FARP1: variants seen among roughly 807,000 people sequenced by gnomAD.
The protein encoded by FARP1 is FERM, ARHGEF and pleckstrin domain-containing protein 1.
In FARP1, 52 loss-of-function variants were observed where a neutral mutation model predicts 128.8. The observed-to-expected ratio is 0.40, with a 90% CI of 0.32 to 0.51. The LOEUF is 0.51. FARP1 is among the 20% of genes least tolerant of loss of function. FARP1 has a pLI of 0.45. For missense variants in FARP1, 1,333 were observed against 1,367.9 expected, an observed-to-expected ratio of 0.97 and a Z score of 0.40; for synonymous variants, 580 against 551.8, an observed-to-expected ratio of 1.05 and a Z score of -0.72.
At chr13:98,350,329 T>G (rs751038802) in intron 3 of FARP1, among the ~76,000 whole-genome samples, 4 of 152,172 alleles carry the variant, frequency 2.6e-5, no homozygotes, top group Non-Finnish European at 5.9e-5. Context: ...AGATTTAATA[T>G]TTGTATTGCA....
intron 18 of FARP1, 118 bp from the exon 19 acceptor site, chr13:98,435,458 C>A: frequency 1.0e-6 from 1 of 993,462 alleles, no homozygotes; most frequent in Non-Finnish European, 1.5e-6. Context: ...TCAAAAGACA[C>A]CTTTGAATAC....
At chr13:98,427,710 G>A (rs1045093354) in intron 17 of FARP1, among the ~76,000 whole-genome samples, 2 of 150,074 alleles carry the variant, frequency 1.3e-5, no homozygotes, top group African/African-American at 4.9e-5. Flanking sequence ...CCTGATATCC[G>A]CTCCTGGCGT....
At chr13:98,432,864 C>T (rs1437486995) in intron 18 of FARP1, 1 of 153,306 alleles carries the variant, frequency 6.5e-6, no homozygotes, top group Non-Finnish European at 1.5e-5. Context: ...GCTGGAGGGT[C>T]TGCAGGCAGG....
At chr13:98,425,897 C>T (rs1336764453) in intron 17 of FARP1, among the ~76,000 whole-genome samples, 4 of 152,264 alleles carry the variant, frequency 2.6e-5, no homozygotes, top group East Asian at 3.9e-4. Context: ...ATTCACACAG[C>T]GTCTCTTTTG....
intron 2 of FARP1, among the ~76,000 whole-genome samples, chr13:98,236,481 T>A (rs1300529372): frequency 6.6e-6 from 1 of 152,144 alleles, no homozygotes; most frequent in African/African-American, 2.4e-5. Context: ...ACAACACAGG[T>A]TTGAACTTCT....
chr13:98,340,801 A>G (rs1887935934), intron 2 of FARP1: 3 of 152,206 alleles, frequency 2.0e-5, no homozygotes, highest in Admixed American at 2.0e-4. Context: ...ATTGCTCCCT[A>G]CATTAACCGA....
chr13:98,193,652 A>G (rs774547491), intron 1 of FARP1, among the ~76,000 whole-genome samples: 1 of 152,198 alleles, frequency 6.6e-6, no homozygotes, highest in Non-Finnish European at 1.5e-5. Context: ...TCAAGTAGCA[A>G]CCCACTTTGC....
chr13:98,361,836 T>C (rs4772069), intron 3 of FARP1, among the ~76,000 whole-genome samples: 66,731 of 151,714 alleles, frequency 0.44, 16,335 homozygotes, highest in Non-Finnish European at 0.58. Flanking sequence ...GTTGTTTCCA[T>C]CCTAAGCCAG....
rs1349451618 is a variant in FARP1 at position 98,373,533 on chromosome 13, G to GACAGACAGACACAC, written c.399-4285_399-4284insGACAGACACACACA. ...TTGACTTTCCAGAGACAGACAGACA[G>GACAGACAGACACAC]ACACACACACACACACACACACACA... On this transcript the variant is annotated intron_variant, in intron 5 of 26. Transcript: ENST00000319562. 1.7e-3 allele frequency among the ~76,000 whole-genome samples: 220 copies of GACAGACAGACACAC among 131,064 alleles called. 1 individual carries two copies. The highest frequency in any genetic ancestry group is 6.2e-3 in the African/African-American group (209 of 33,920). 86.0% of individuals were successfully genotyped at this position (131,064 alleles called of 152,430 possible). A position where few individuals can be genotyped will look rare whatever the true frequency, so the allele number is the denominator to read the frequency against.
chr13:98,149,338 A>G (rs1457019667), intron 1 of FARP1, among the ~76,000 whole-genome samples: 2 of 152,050 alleles, frequency 1.3e-5, no homozygotes, highest in African/African-American at 4.8e-5. Context: ...TGGATATGCT[A>G]TGACTTGCGT....
intron 19 of FARP1, 40 bp from the exon 20 acceptor site, chr13:98,438,764 G>C (rs368559015): frequency 2.2e-5 from 34 of 1,571,616 alleles, no homozygotes; most frequent in Non-Finnish European, 3.0e-5. Flanking sequence ...CTTGGGGTCC[G>C]CACGCTCGCA....
chr13:98,446,584 CCTGT>C (rs1429985228), intron 25 of FARP1, 78 bp from the exon 26 acceptor site: 1 of 1,465,060 alleles, frequency 6.8e-7, no homozygotes, highest in East Asian at 2.3e-5. Flanking sequence ...CTCCCAAGTC[CCTGT>C]CTGATGCGGG....
intron 1 of FARP1, among the ~76,000 whole-genome samples, chr13:98,167,628 G>A (rs971470516): frequency 4.0e-5 from 6 of 151,460 alleles, no homozygotes; most frequent in East Asian, 2.0e-4. Context: ...CAGGCTGGTC[G>A]CGAACTTCTG....
chr13:98,313,252 C>G (rs975134809), intron 2 of FARP1, among the ~76,000 whole-genome samples: 2 of 149,864 alleles, frequency 1.3e-5, no homozygotes, highest in African/African-American at 4.9e-5. Flanking sequence ...TACACACACA[C>G]ACACACACAC....
At chr13:98,177,666 CA>C (rs58126526) in intron 1 of FARP1, among the ~76,000 whole-genome samples, 75,841 of 145,702 alleles carry the variant, frequency 0.52, 21,005 homozygotes, top group Middle Eastern at 0.68. Flanking sequence ...AAAAAAAAAC[CA>C]AAAAAAAAGG....
At chr13:98,434,096 A>C (rs1423614194) in intron 18 of FARP1, 1 of 152,190 alleles carries the variant, frequency 6.6e-6, no homozygotes, top group African/African-American at 2.4e-5. Context: ...TGATTGAGGA[A>C]GAGAGTGCTA....
chr13:98,394,872 CTGTGGTT>C (rs1204370975), intron 12 of FARP1, among the ~76,000 whole-genome samples: 4 of 152,186 alleles, frequency 2.6e-5, no homozygotes, highest in Non-Finnish European at 4.4e-5. Flanking sequence ...CCGCTGTGAG[CTGTGGTT>C]GCAGCACTGC....
At chr13:98,266,805 AG>A (rs1884138193) in intron 2 of FARP1, among the ~76,000 whole-genome samples, 1 of 152,118 alleles carries the variant, frequency 6.6e-6, no homozygotes, top group Non-Finnish European at 1.5e-5. Context: ...TGAGGTCAGG[AG>A]TTCGAGACCA....
chr13:98,373,914 A>G (rs552707304), intron 5 of FARP1, among the ~76,000 whole-genome samples: 10 of 152,356 alleles, frequency 6.6e-5, no homozygotes, highest in Non-Finnish European at 7.3e-5. Flanking sequence ...TTTCATTATT[A>G]TAATAGTAGT....
Sources: gnomAD v4.1 joint callset for allele counts (sites outside exome capture counted in the v4.1 genomes callset) on GRCh38, gnomAD v4.1.1 for gene constraint, MANE v1.5 for transcripts, NCBI Gene and HGNC (gene_info 2026-07-23, HGNC 2026-07-21) for gene names.